CUL3: variants seen among roughly 807,000 people sequenced by gnomAD.
The protein encoded by CUL3 is cullin 3.
CUL3 carries 19 observed loss-of-function variants against 89.1 expected under a neutral mutation model. The observed-to-expected ratio is 0.21, with a 90% CI of 0.15 to 0.31. The LOEUF (loss-of-function observed/expected upper bound fraction) is 0.31, where lower values mean the gene tolerates loss of function less well. Among genes scored for constraint, CUL3 ranks in the 10% least tolerant of loss-of-function variants. The pLI is 1.00. For missense variants in CUL3, 469 were observed against 942.3 expected (o/e 0.50, Z 6.58); for synonymous variants, 351 against 308.4 (o/e 1.14, Z -1.45).
chr2:224,547,918 TACAA>T (rs1345090641), intron 2 of CUL3, among the ~76,000 whole-genome samples: 3 of 152,124 alleles, frequency 2.0e-5, no homozygotes, highest in African/African-American at 7.2e-5. Flanking sequence ...TTAACTTACT[TACAA>T]ACAAATATAA....
chr2:224,577,524 A>AC (rs1368450632), intron 1 of CUL3, among the ~76,000 whole-genome samples: 1 of 151,290 alleles, frequency 6.6e-6, no homozygotes, highest in African/African-American at 2.4e-5. Flanking sequence ...AGCTGAGATC[A>AC]CGCCACTGCA....
intron 11 of CUL3, chr2:224,499,334 G>A (rs1482452629): frequency 1.5e-5 from 3 of 202,790 alleles, no homozygotes; most frequent in South Asian, 1.1e-4. Context: ...CTCACACAAA[G>A]AAGGCACTGG....
At chr2:224,575,241 G>A (rs1559242526) in intron 1 of CUL3, among the ~76,000 whole-genome samples, 1 of 152,174 alleles carries the variant, frequency 6.6e-6, no homozygotes, top group Non-Finnish European at 1.5e-5. Flanking sequence ...AATGATTAAA[G>A]TTTGGAATAG....
intron 1 of CUL3, among the ~76,000 whole-genome samples, chr2:224,575,558 C>A (rs1303034828): frequency 6.6e-6 from 1 of 152,114 alleles, no homozygotes; most frequent in Non-Finnish European, 1.5e-5. Context: ...GAGAAGGAAC[C>A]AAGCAACAAG....
intron 1 of CUL3, among the ~76,000 whole-genome samples, chr2:224,581,549 C>T (rs1695438038): frequency 6.7e-6 from 1 of 149,460 alleles, no homozygotes; most frequent in Non-Finnish European, 1.5e-5. Context: ...GTTGCCCAGG[C>T]TGGAGTGCAG....
chr2:224,517,972 TTAATAA>T (rs771634479), intron 3 of CUL3, among the ~76,000 whole-genome samples: 1 of 152,122 alleles, frequency 6.6e-6, no homozygotes, highest in Non-Finnish European at 1.5e-5. Flanking sequence ...TAATTATATA[TTAATAA>T]TAAGTACAAT....
At chr2:224,516,742 G>T (rs910948234) in intron 3 of CUL3, among the ~76,000 whole-genome samples, 2 of 149,936 alleles carry the variant, frequency 1.3e-5, no homozygotes, top group Non-Finnish European at 3.0e-5. Context: ...TACCTCCCAG[G>T]TTCAAGTGAT....
intron 6 of CUL3, among the ~76,000 whole-genome samples, chr2:224,510,624 A>G (rs1692787040): frequency 6.6e-6 from 1 of 152,212 alleles, no homozygotes; most frequent in Non-Finnish European, 1.5e-5. Context: ...CTAATACCAT[A>G]TAAGTGGTAA....
rs1393174305 is a variant in CUL3, at chr2:224,470,791, T to C, written c.*3454A>G. On this transcript the variant is annotated 3_prime_UTR_variant, in exon 16 of 16. Transcript: ENST00000264414. ...AAATGTGCAAAATTCCATATTGCAA[T>C]GCTTCATGTATTAACTTTAGTTTGT... The C allele has an allele frequency of 1.3e-5, 3 of 231,476 alleles. No homozygotes were observed. The East Asian group carries it at 1.8e-4, about 14-fold the overall frequency. The allele number at this position is 231,476 out of a possible 1,614,324, so 14.3% of individuals were successfully genotyped here. A position where few individuals can be genotyped will look rare whatever the true frequency, so the allele number is the denominator to read the frequency against.
intron 2 of CUL3, among the ~76,000 whole-genome samples, chr2:224,544,289 T>C (rs549011452): frequency 2.6e-5 from 4 of 152,342 alleles, no homozygotes; most frequent in Admixed American, 2.0e-4. Flanking sequence ...TTTAAAATAA[T>C]TGACAGCCAC....
At chr2:224,554,541 CG>C (rs1559216568) in intron 2 of CUL3, among the ~76,000 whole-genome samples, 1 of 151,936 alleles carries the variant, frequency 6.6e-6, no homozygotes, top group Non-Finnish European at 1.5e-5. Flanking sequence ...AATTCAGTTC[CG>C]GCTAGGCCAC....
intron 7 of CUL3, 39 bp from the exon 8 acceptor site, chr2:224,506,171 AT>A (rs1228375084): frequency 7.3e-7 from 1 of 1,378,274 alleles, no homozygotes; most frequent in Non-Finnish European, 9.7e-7. Context: ...CATTATAATA[AT>A]TTTTCCATAA....
intron 1 of CUL3, among the ~76,000 whole-genome samples, chr2:224,568,188 CCTT>C (rs1695092211): frequency 1.3e-5 from 2 of 152,204 alleles, no homozygotes; most frequent in Admixed American, 6.5e-5. Context: ...GTTAACAACT[CCTT>C]CTCAGTTCTT....
At chr2:224,568,435 A>G (rs912851479) in intron 1 of CUL3, among the ~76,000 whole-genome samples, 1 of 152,226 alleles carries the variant, frequency 6.6e-6, no homozygotes, top group Non-Finnish European at 1.5e-5. Flanking sequence ...TTGTAAACAA[A>G]TGTCTGTTGA....
rs2106215492 is a variant in CUL3, at chr2:224,511,461, G to A, written c.776C>T (p.Pro259Leu). The A allele has an allele frequency of 6.2e-7, 1 of 1,613,442 alleles. No individual in the cohort carries two copies. The highest frequency in any genetic ancestry group is 8.5e-7 in the Non-Finnish European group (1 of 1,179,630). Residue 259 changes from proline to leucine, a missense_variant, in exon 6 of 16, where the codon CCA becomes CTA. Coordinates refer to ENST00000264414, the MANE Select transcript of CUL3 (RefSeq NM_003590.5). ...TTCCCTTTCAACCACCTTTACAATT[G>A]GTTCTTCCGTTGATTTGTCAAGGCA... ...MHCLDKSTEE[P>L]IVKVVERELI...
At chr2:224,483,235 G>C (rs1691594286) in intron 13 of CUL3, among the ~76,000 whole-genome samples, 1 of 152,070 alleles carries the variant, frequency 6.6e-6, no homozygotes, top group Admixed American at 6.6e-5. Flanking sequence ...ACATACTTTA[G>C]TTATTGCTTA....
intron 3 of CUL3, among the ~76,000 whole-genome samples, chr2:224,530,034 C>G (rs534731608): frequency 2.6e-5 from 4 of 152,016 alleles, no homozygotes; most frequent in Admixed American, 2.0e-4. Context: ...GTCAGGAGAT[C>G]GAGACCATGA....
In CUL3 at chr2:224,470,278, GTTTAC is replaced by G. The variant is rs913918600; in HGVS notation, c.*3962_*3966del. The stretch of plus-strand genomic sequence containing the variant: ...ATTTCATTGTTACTAAAAAATACAC[GTTTAC>G]TTTGAGCTGCTCATGTATAATTTTA... On this transcript the variant is annotated 3_prime_UTR_variant, in exon 16 of 16. Coordinates refer to ENST00000264414, the MANE Select transcript of CUL3 (RefSeq NM_003590.5). 27 of 222,102 alleles carry G rather than the reference GTTTAC, an allele frequency of 1.2e-4. No homozygotes were observed. Among genetic ancestry groups the G allele is most frequent in the Admixed American group, 5.8e-5 (1 of 17,384 alleles). 13.8% of individuals were successfully genotyped at this position (222,102 alleles called of 1,614,324 possible).
chr2:224,576,010 A>C (rs528765180), intron 1 of CUL3, among the ~76,000 whole-genome samples: 2 of 152,332 alleles, frequency 1.3e-5, no homozygotes, highest in South Asian at 4.1e-4. Context: ...GGAATGTATT[A>C]ACATAGTATC....
Sources: gnomAD v4.1 joint callset for allele counts (sites outside exome capture counted in the v4.1 genomes callset) on GRCh38, gnomAD v4.1.1 for gene constraint, MANE v1.5 for transcripts, NCBI Gene and HGNC (gene_info 2026-07-23, HGNC 2026-07-21) for gene names.